The following USP34 variants were observed in gnomAD, a reference collection of about 807,000 sequenced individuals.
USP34 encodes ubiquitin specific peptidase 34, also known as ubiquitin carboxyl-terminal hydrolase 34.
In USP34, 70 loss-of-function variants were observed where a neutral mutation model predicts 460.3. The ratio of observed to expected loss-of-function variants is 0.15; its 90% CI spans 0.13 to 0.19. The LOEUF (loss-of-function observed/expected upper bound fraction) is 0.19, where lower values mean the gene tolerates loss of function less well. Among genes scored for constraint, USP34 ranks in the 10% least tolerant of loss-of-function variants. The pLI is 1.00. For missense variants in USP34, 3,985 were observed against 4,236.2 expected, an observed-to-expected ratio of 0.94 and a Z score of 1.65; for synonymous variants, 1,647 against 1,405.3, an observed-to-expected ratio of 1.17 and a Z score of -3.85.
intron 18 of USP34, among the ~76,000 whole-genome samples, chr2:61,334,358 C>T (rs1367525329): frequency 6.6e-6 from 1 of 152,016 alleles, no homozygotes; most frequent in Admixed American, 6.6e-5. Context: ...AATGGAAGCA[C>T]ACCACATACC....
chr2:61,364,929 CA>C (rs933221849), intron 10 of USP34, among the ~76,000 whole-genome samples: 25 of 150,520 alleles, frequency 1.7e-4, no homozygotes, highest in African/African-American at 6.1e-4. Flanking sequence ...GACTCTGTCT[CA>C]AAAAAATAAT....
chr2:61,316,215 A>G (rs1442749773), intron 23 of USP34, among the ~76,000 whole-genome samples: 1 of 151,898 alleles, frequency 6.6e-6, no homozygotes, highest in Non-Finnish European at 1.5e-5. Context: ...GGTTAGGACT[A>G]AAAAAACTGA....
chr2:61,273,117 A>G (rs936366306), intron 41 of USP34, among the ~76,000 whole-genome samples: 3 of 152,202 alleles, frequency 2.0e-5, no homozygotes, highest in African/African-American at 7.2e-5. Context: ...CAACATACCA[A>G]CAAAAAGGAC....
intron 29 of USP34, among the ~76,000 whole-genome samples, chr2:61,297,738 A>C (rs528342067): frequency 1.7e-4 from 26 of 152,208 alleles, no homozygotes; most frequent in Non-Finnish European, 3.7e-4. Context: ...TTTGGTGGCA[A>C]GAAAATCTTT....
At chr2:61,356,512 CT>C (rs1558547222) in intron 10 of USP34, among the ~76,000 whole-genome samples, 2 of 151,874 alleles carry the variant, frequency 1.3e-5, no homozygotes, top group Non-Finnish European at 2.9e-5. Context: ...CACACACACA[CT>C]GCAATACTAT....
chr2:61,312,555 A>G (rs899664086), intron 25 of USP34, among the ~76,000 whole-genome samples: 20 of 152,168 alleles, frequency 1.3e-4, no homozygotes, highest in African/African-American at 4.6e-4. Context: ...AATTTGGAAT[A>G]GAAGGATAAA....
intron 61 of USP34, 115 bp from the exon 62 acceptor site, chr2:61,227,333 A>C (rs1025714645): frequency 8.5e-7 from 1 of 1,177,590 alleles, no homozygotes; most frequent in African/African-American, 1.6e-5. Flanking sequence ...TAACATGAAA[A>C]ACAACTGCAC....
intron 1 of USP34, among the ~76,000 whole-genome samples, chr2:61,430,781 G>A (rs1051844743): frequency 3.9e-5 from 6 of 152,088 alleles, no homozygotes; most frequent in Admixed American, 2.0e-4. Flanking sequence ...TTGGGAGACC[G>A]AGGCAAGAGA....
intron 22 of USP34, 66 bp from the exon 23 acceptor site, chr2:61,317,833 TA>T: frequency 8.3e-7 from 1 of 1,201,448 alleles, no homozygotes; most frequent in South Asian, 1.4e-5. Flanking sequence ...TTATTAAATT[TA>T]AATAAACTTT....
chr2:61,298,111 G>C (rs2103631990), intron 29 of USP34, among the ~76,000 whole-genome samples: 1 of 152,158 alleles, frequency 6.6e-6, no homozygotes, highest in Non-Finnish European at 1.5e-5. Context: ...AAAGTCTCAT[G>C]AGACATACAC....
chr2:61,267,766 A>G (rs6738482), intron 41 of USP34, among the ~76,000 whole-genome samples: 39,463 of 151,554 alleles, frequency 0.26, 5,373 homozygotes, highest in African/African-American at 0.34. Flanking sequence ...GGCGCCCACC[A>G]CAACACCCGG....
chr2:61,296,434 A>C (rs952178100), intron 30 of USP34, among the ~76,000 whole-genome samples: 1 of 152,202 alleles, frequency 6.6e-6, no homozygotes, highest in Non-Finnish European at 1.5e-5. Flanking sequence ...TAAGCACACA[A>C]AACAAACACT....
At chr2:61,449,565 C>G (rs1012769850) in intron 1 of USP34, among the ~76,000 whole-genome samples, 2 of 151,344 alleles carry the variant, frequency 1.3e-5, no homozygotes, top group Non-Finnish European at 2.9e-5. Flanking sequence ...GACTTCCAAT[C>G]TTATTACAAA....
rs183649821 is a variant in USP34, at chr2:61,306,859, A to T, written c.3817+4681T>A. Among the ~76,000 whole-genome samples the T allele has an allele frequency of 3.9e-3, 599 of 152,318 alleles. 1 individual carries two copies. Among genetic ancestry groups the T allele is most frequent in the African/African-American group, 0.012 (503 of 41,564 alleles). On this transcript the variant is annotated intron_variant, in intron 27 of 79. Coordinates refer to ENST00000398571, the MANE Select transcript of USP34 (RefSeq NM_014709.4). Reference sequence around the variant, plus strand: ...TGGAGAAATAGGAACACTATTACCCAGTTGGTGGGACTGTAAACTAGTTCA... The same window carrying T: ...TGGAGAAATAGGAACACTATTACCCTGTTGGTGGGACTGTAAACTAGTTCA...
At chr2:61,432,799 T>G (rs1558591155) in intron 1 of USP34, among the ~76,000 whole-genome samples, 1 of 151,578 alleles carries the variant, frequency 6.6e-6, no homozygotes, top group Admixed American at 6.6e-5. Flanking sequence ...AAGTGTTCAC[T>G]GCCCATAAAC....
intron 48 of USP34, among the ~76,000 whole-genome samples, chr2:61,253,738 CT>C (rs773120038): frequency 2.5e-3 from 359 of 141,980 alleles, no homozygotes; most frequent in Admixed American, 2.8e-3. Context: ...GTTTTTATTG[CT>C]TTTTTTTTTT....
At chr2:61,198,193 T>C (rs369317313) in intron 75 of USP34, among the ~76,000 whole-genome samples, 15 of 152,372 alleles carry the variant, frequency 9.8e-5, no homozygotes, top group Middle Eastern at 3.4e-3. Context: ...TTCATCCTTA[T>C]AGAGTAAAAT....
At chr2:61,248,707 T>C in intron 48 of USP34, 24 bp from the exon 49 acceptor site, 1 of 1,525,730 alleles carries the variant, frequency 6.6e-7, no homozygotes, top group Non-Finnish European at 8.8e-7. Flanking sequence ...AAAAAATTAA[T>C]AAAGATTATT....
chr2:61,229,487 A>AAC (rs1558478262), intron 59 of USP34, 61 bp downstream of exon 59: 1 of 820,596 alleles, frequency 1.2e-6, no homozygotes, highest in Non-Finnish European at 1.6e-6. Context: ...AAAAAAAAAA[A>AAC]ACAAAAACAC....
Sources: gnomAD v4.1 joint callset for allele counts (sites outside exome capture counted in the v4.1 genomes callset) on GRCh38, gnomAD v4.1.1 for gene constraint, MANE v1.5 for transcripts, NCBI Gene and HGNC (gene_info 2026-07-23, HGNC 2026-07-21) for gene names.